Variants in PNMA8B observed in about 807,000 individuals in gnomAD.
PNMA8B encodes the protein paraneoplastic antigen-like protein 8B.
For synonymous variants in PNMA8B, 386 were observed against 394.9 expected (o/e 0.98, Z 0.27); for missense variants, 887 against 885.8 (o/e 1.00, Z -0.02).
rs1457113008 is a variant in PNMA8B at position 46,493,512 on chromosome 19, G to C, written c.*46C>G. The C allele has an allele frequency of 3.3e-6, 4 of 1,228,566 alleles. No homozygotes were observed. Among genetic ancestry groups the C allele is most frequent in the Non-Finnish European group, 4.2e-6 (4 of 963,022 alleles). The allele number at this position is 1,228,566 out of a possible 1,614,324, so 76.1% of individuals were successfully genotyped here. A position where few individuals can be genotyped will look rare whatever the true frequency, so the allele number is the denominator to read the frequency against. On this transcript the variant is annotated 3_prime_UTR_variant, in exon 1 of 1. Transcript: ENST00000599531. This position sits in a 1 kb window ranked among gnomAD's most constrained non-coding sequence, Gnocchi z 5.3. Reference sequence around the variant, plus strand: ...GGGCGGGGGCCACAGGCGGGCGGGTGCCCTGCGGGGCCTGCTCGCAGCCTG... The same window carrying C: ...GGGCGGGGGCCACAGGCGGGCGGGTCCCCTGCGGGGCCTGCTCGCAGCCTG...
At position 46,494,564 on chromosome 19, in the gene PNMA8B, G is replaced by A. The variant is rs114949543; in HGVS notation, c.902C>T (p.Thr301Ile). Residue 301 changes from threonine (T) to isoleucine (I), a missense_variant, in exon 1 of 1, where the codon ACC becomes ATC. Thr to Ile is a moderately conservative substitution (Grantham distance 89). Transcript: ENST00000599531. ...GCTGTCCACCGGCTCCTCGTCCGGG[G>A]TGTCTCTCACAGCCAGCAGGGCCAC... ...DLVALLAVRDTPDEEPVDSDT... is the reference protein window; with the variant it reads ...DLVALLAVRDIPDEEPVDSDT... 3.0e-4 allele frequency: 477 copies of A among 1,614,082 alleles called. 1 individual carries two copies. The African/African-American group carries it at 5.8e-3, about 20-fold the overall frequency.
Position 46,495,586 on chromosome 19 carries a change from G to C in PNMA8B, c.-121C>G. ...TTGCAGGGCTTAGAGTCCCGGTTCCGGTGAATGTGGCAAGGCTGGAGTGGG... is the reference window on the plus strand; with the variant it reads ...TTGCAGGGCTTAGAGTCCCGGTTCCCGTGAATGTGGCAAGGCTGGAGTGGG... On this transcript the variant is annotated 5_prime_UTR_variant, in exon 1 of 1. Transcript: ENST00000599531. 1 of 1,321,610 alleles carries C rather than the reference G, an allele frequency of 7.6e-7. No individual in the cohort carries two copies. Among genetic ancestry groups the C allele is most frequent in the Non-Finnish European group, 1.0e-6 (1 of 984,308 alleles). 81.9% of individuals were successfully genotyped at this position (1,321,610 alleles called of 1,614,324 possible). A position where few individuals can be genotyped will look rare whatever the true frequency, so the allele number is the denominator to read the frequency against.
Position 46,495,658 on chromosome 19 carries a change from G to T in PNMA8B, c.-193C>A. 1 of 667,794 alleles carries T rather than the reference G, an allele frequency of 1.5e-6. No individual in the cohort carries two copies. The highest frequency in any genetic ancestry group is 2.5e-6 in the Non-Finnish European group (1 of 393,472). The allele number at this position is 667,794 out of a possible 1,614,324, so 41.4% of individuals were successfully genotyped here. ...GCTGCCTGCTGGCCGGCTGGACGCA[G>T]TGACCTTCCCCCGGGACCCCTCTCC... On this transcript the variant is annotated 5_prime_UTR_variant, in exon 1 of 1. The change creates a new upstream start codon in the 5' untranslated region. Coordinates refer to ENST00000599531, the MANE Select transcript of PNMA8B (RefSeq NM_020709.3).
chr19:46,494,848 G>T lies in PNMA8B; in HGVS notation c.618C>A (p.Ile206=). The T allele has an allele frequency of 6.2e-7, 1 of 1,613,308 alleles. No individual in the cohort carries two copies. ...TCAGGTCGCCCTGGTCGATCTCCTC[G>T]ATCACGATGCCCAGGCTCTCGTCGG... ...DSSDESLGIV[I]EEIDQGDLSG... Residue 206 remains isoleucine (I), a synonymous_variant, in exon 1 of 1, where the codon ATC becomes ATA. Coordinates refer to ENST00000599531, the MANE Select transcript of PNMA8B (RefSeq NM_020709.3).
rs1970031343 is a variant in PNMA8B at position 46,493,269 on chromosome 19, A to G, written c.*289T>C. The G allele has an allele frequency of 9.1e-6, 3 of 330,862 alleles. No homozygotes were observed. Among genetic ancestry groups the G allele is most frequent in the Admixed American group, 4.9e-5 (1 of 20,402 alleles). 20.5% of individuals were successfully genotyped at this position (330,862 alleles called of 1,614,324 possible). ...CCTCCGGGGGCAACCCGGGCCCCCAATCCTGGTCCACTTGGCGCGTCCCCA... is the reference window on the plus strand; with the variant it reads ...CCTCCGGGGGCAACCCGGGCCCCCAGTCCTGGTCCACTTGGCGCGTCCCCA... On this transcript the variant is annotated 3_prime_UTR_variant, in exon 1 of 1. Transcript: ENST00000599531. The surrounding 1 kb of genome is among the most constrained non-coding windows in gnomAD (Gnocchi z 5.3).
At position 46,495,717 on chromosome 19, in the gene PNMA8B, G is replaced by A; in HGVS notation, c.-252C>T. 1 of 516,994 alleles carries A rather than the reference G, an allele frequency of 1.9e-6. No individual in the cohort carries two copies. The highest frequency in any genetic ancestry group is 3.6e-6 in the Non-Finnish European group (1 of 280,686). 32.0% of individuals were successfully genotyped at this position (516,994 alleles called of 1,614,324 possible). A position where few individuals can be genotyped will look rare whatever the true frequency, so the allele number is the denominator to read the frequency against. ...CTGAGGATCCGCGGGGGGCTTACGT[G>A]TCTGCTTTCCAGGACAGCTCCCTCC... On this transcript the variant is annotated 5_prime_UTR_variant, in exon 1 of 1. Coordinates refer to ENST00000599531, the MANE Select transcript of PNMA8B (RefSeq NM_020709.3).
At position 46,495,540 on chromosome 19, in the gene PNMA8B, A is replaced by C. The variant is rs1192267841; in HGVS notation, c.-75T>G. On this transcript the variant is annotated 5_prime_UTR_variant, in exon 1 of 1. It adds an upstream start codon to the 5' untranslated region. Coordinates refer to ENST00000599531, the MANE Select transcript of PNMA8B (RefSeq NM_020709.3). The stretch of plus-strand genomic sequence containing the variant: ...GGGGTGGGCTGCAGCGCACGGTGTC[A>C]ATGCAACCCTAGAAAGCCACTTGCA... 1 of 1,496,760 alleles carries C rather than the reference A, an allele frequency of 6.7e-7. No individual in the cohort carries two copies. The highest frequency in any genetic ancestry group is 8.9e-7 in the Non-Finnish European group (1 of 1,121,950). 92.7% of individuals were successfully genotyped at this position (1,496,760 alleles called of 1,614,324 possible). A position where few individuals can be genotyped will look rare whatever the true frequency, so the allele number is the denominator to read the frequency against.
Position 46,493,517 on chromosome 19 carries a change from G to A in PNMA8B, c.*41C>T. 1 of 1,280,866 alleles carries A rather than the reference G, an allele frequency of 7.8e-7. No homozygotes were observed. The highest frequency in any genetic ancestry group is 3.1e-5 in the East Asian group (1 of 31,930). 79.3% of individuals were successfully genotyped at this position (1,280,866 alleles called of 1,614,324 possible). The stretch of plus-strand genomic sequence containing the variant: ...GGGGCCACAGGCGGGCGGGTGCCCT[G>A]CGGGGCCTGCTCGCAGCCTGGGCGG... On this transcript the variant is annotated 3_prime_UTR_variant, in exon 1 of 1. Transcript: ENST00000599531. This position sits in a 1 kb window ranked among gnomAD's most constrained non-coding sequence, Gnocchi z 5.3.
In PNMA8B at chr19:46,492,315, G is replaced by T. The variant is rs1162856112; in HGVS notation, c.*1243C>A. 1 of 277,094 alleles carries T rather than the reference G, an allele frequency of 3.6e-6. No individual in the cohort carries two copies. Among genetic ancestry groups the T allele is most frequent in the African/African-American group, 2.2e-5 (1 of 44,666 alleles). The allele number at this position is 277,094 out of a possible 1,614,324, so 17.2% of individuals were successfully genotyped here. A position where few individuals can be genotyped will look rare whatever the true frequency, so the allele number is the denominator to read the frequency against. On this transcript the variant is annotated 3_prime_UTR_variant, in exon 1 of 1. Transcript: ENST00000599531. ...GGAGACTGATATTTAGGTAAAAATC[G>T]AGCTCAGCCGGGGTTGCAGGAGCTG... is the stretch of plus-strand genomic sequence containing the variant.
chr19:46,494,556 C>G lies in PNMA8B; in HGVS notation c.910G>C (p.Glu304Gln). 6.2e-7 allele frequency: 1 copy of G among 1,614,064 alleles called. No individual in the cohort carries two copies. Among genetic ancestry groups the G allele is most frequent in the Non-Finnish European group, 8.5e-7 (1 of 1,179,906 alleles). Residue 304 changes from glutamate (E) to glutamine (Q), a missense_variant, in exon 1 of 1, where the codon GAG (glutamate) becomes CAG (glutamine). Transcript: ENST00000599531. ...ALLAVRDTPDEEPVDSDTSES... is the reference protein window; with the variant it reads ...ALLAVRDTPDQEPVDSDTSES... ...GAAGTGTCGCTGTCCACCGGCTCCT[C>G]GTCCGGGGTGTCTCTCACAGCCAGC...
chr19:46,492,303 T>A lies in PNMA8B; in HGVS notation c.*1255A>T, dbSNP rs556251469. The A allele has an allele frequency of 2.2e-5, 6 of 270,994 alleles. No homozygotes were observed. The Admixed American group carries it at 2.2e-4, about 10-fold the overall frequency. The allele number at this position is 270,994 out of a possible 1,614,324, so 16.8% of individuals were successfully genotyped here. On this transcript the variant is annotated 3_prime_UTR_variant, in exon 1 of 1. Transcript: ENST00000599531. ...GTGGGGTCCCGTGGAGACTGATATT[T>A]AGGTAAAAATCGAGCTCAGCCGGGG... is the stretch of plus-strand genomic sequence containing the variant.
At position 46,494,425 on chromosome 19, in the gene PNMA8B, C is replaced by T. The variant is rs1392491327; in HGVS notation, c.1041G>A (p.Arg347=). The T allele has an allele frequency of 1.2e-6, 2 of 1,613,776 alleles. No homozygotes were observed. The highest frequency in any genetic ancestry group is 1.3e-5 in the African/African-American group (1 of 74,952). ...CAGAAGCGATTTTCAACATCTCCTC[C>T]CGGGCCCAGGGGTCCGACGGGTCGG... ...AYTDPSDPWA[R]EEMLKIASVI... is the part of the protein sequence containing the mutation. Residue 347 remains arginine (R), a synonymous_variant, in exon 1 of 1, where the codon CGG becomes CGA. Transcript: ENST00000599531.
chr19:46,493,520 G>A lies in PNMA8B; in HGVS notation c.*38C>T. The A allele has an allele frequency of 2.3e-6, 3 of 1,292,300 alleles. No individual in the cohort carries two copies. The highest frequency in any genetic ancestry group is 3.0e-6 in the Non-Finnish European group (3 of 1,015,424). The allele number at this position is 1,292,300 out of a possible 1,614,324, so 80.1% of individuals were successfully genotyped here. A position where few individuals can be genotyped will look rare whatever the true frequency, so the allele number is the denominator to read the frequency against. ...GCCACAGGCGGGCGGGTGCCCTGCG[G>A]GGCCTGCTCGCAGCCTGGGCGGCTT... On this transcript the variant is annotated 3_prime_UTR_variant, in exon 1 of 1. Coordinates refer to ENST00000599531, the MANE Select transcript of PNMA8B (RefSeq NM_020709.3). This position sits in a 1 kb window ranked among gnomAD's most constrained non-coding sequence, Gnocchi z 5.3.
chr19:46,495,431 C>A lies in PNMA8B; in HGVS notation c.35G>T (p.Ser12Ile). 6.4e-7 allele frequency: 1 copy of A among 1,554,238 alleles called. No homozygotes were observed. Among genetic ancestry groups the A allele is most frequent in the African/African-American group, 1.4e-5 (1 of 73,900 alleles). ...AMSLLQDWCR[S>I]LDVDAHRALL... ...GGCCCTGTGCGCGTCCACGTCCAGG[C>A]TCCGGCACCAGTCCTGCAAAAGGCT... The change falls in exon 1 of 1, where the codon AGC (serine) becomes ATC (isoleucine). Residue 12 changes from serine (S) to isoleucine (I), a missense_variant. Ser to Ile is a moderately radical substitution (Grantham distance 142). Coordinates refer to ENST00000599531, the MANE Select transcript of PNMA8B (RefSeq NM_020709.3).
rs1330952486 is a variant in PNMA8B, at chr19:46,492,190, G to A, written c.*1368C>T. 1 of 409,344 alleles carries A rather than the reference G, an allele frequency of 2.4e-6. No homozygotes were observed. Among genetic ancestry groups the A allele is most frequent in the Admixed American group, 2.7e-5 (1 of 36,554 alleles). 25.4% of individuals were successfully genotyped at this position (409,344 alleles called of 1,614,324 possible). A position where few individuals can be genotyped will look rare whatever the true frequency, so the allele number is the denominator to read the frequency against. On this transcript the variant is annotated 3_prime_UTR_variant, in exon 1 of 1. Coordinates refer to ENST00000599531, the MANE Select transcript of PNMA8B (RefSeq NM_020709.3). ...AGGGACAAGTGGGGCAGGGCCCCCT[G>A]GCACGATGGGCTCCTCACTGCCAGG...
At position 46,494,146 on chromosome 19, in the gene PNMA8B, C is replaced by T. The variant is rs762473728; in HGVS notation, c.1320G>A (p.Glu440=). Residue 440 remains glutamate (E), a synonymous_variant, in exon 1 of 1, where the codon GAG becomes GAA. Coordinates refer to ENST00000599531, the MANE Select transcript of PNMA8B (RefSeq NM_020709.3). ...AGRGLFGGWS[E]HREDEGGLLE... is the part of the protein sequence containing the mutation. ...GAAGACCCCCTTCGTCCTCACGGTG[C>T]TCGCTCCAGCCCCCGAAGAGGCCAC... 38 of 1,610,856 alleles carry T rather than the reference C, an allele frequency of 2.4e-5. No homozygotes were observed. The highest frequency in any genetic ancestry group is 2.8e-5 in the Non-Finnish European group (33 of 1,179,874).
chr19:46,495,319 G>A lies in PNMA8B; in HGVS notation c.147C>T (p.Phe49=), dbSNP rs760188553. ...TCAAAGCCTTCATGTGTCGCAACCT[G>A]AACGTGCCCAGGGGCAGGAGGGTCG... The part of the protein sequence containing the change: ...LQPTLLPLGT[F]RLRHMKALMN... Residue 49 remains phenylalanine, a synonymous_variant, in exon 1 of 1, where the codon TTC becomes TTT. Transcript: ENST00000599531. 7.5e-7 allele frequency: 1 copy of A among 1,331,042 alleles called. No individual in the cohort carries two copies. The highest frequency in any genetic ancestry group is 1.1e-6 in the Non-Finnish European group (1 of 921,506). The allele number at this position is 1,331,042 out of a possible 1,614,324, so 82.5% of individuals were successfully genotyped here. A position where few individuals can be genotyped will look rare whatever the true frequency, so the allele number is the denominator to read the frequency against.
Position 46,495,416 on chromosome 19 carries a change from G to T in PNMA8B, c.50C>A (p.Ala17Glu). 6.8e-7 allele frequency: 1 copy of T among 1,474,730 alleles called. No homozygotes were observed. Among genetic ancestry groups the T allele is most frequent in the Non-Finnish European group, 9.5e-7 (1 of 1,053,976 alleles). The allele number at this position is 1,474,730 out of a possible 1,614,324, so 91.4% of individuals were successfully genotyped here. ...GCCGGTGACCAGCAGGGCCCTGTGCGCGTCCACGTCCAGGCTCCGGCACCA... is the reference window on the plus strand; with the variant it reads ...GCCGGTGACCAGCAGGGCCCTGTGCTCGTCCACGTCCAGGCTCCGGCACCA... ...QDWCRSLDVD[A>E]HRALLVTGIP... The change falls in exon 1 of 1, where the codon GCG (alanine) becomes GAG (glutamate). Residue 17 changes from alanine to glutamate, a missense_variant. Transcript: ENST00000599531.
In PNMA8B at chr19:46,493,529, C is replaced by T; in HGVS notation, c.*29G>A. On this transcript the variant is annotated 3_prime_UTR_variant, in exon 1 of 1. Transcript: ENST00000599531. The surrounding 1 kb of genome is among the most constrained non-coding windows in gnomAD (Gnocchi z 5.3). ...GGGCGGGTGCCCTGCGGGGCCTGCTCGCAGCCTGGGCGGCTTCTTGGGGGG... is the reference window on the plus strand; with the variant it reads ...GGGCGGGTGCCCTGCGGGGCCTGCTTGCAGCCTGGGCGGCTTCTTGGGGGG... The T allele has an allele frequency of 7.6e-7, 1 of 1,315,758 alleles. No individual in the cohort carries two copies. The highest frequency in any genetic ancestry group is 9.7e-7 in the Non-Finnish European group (1 of 1,033,808). 81.5% of individuals were successfully genotyped at this position (1,315,758 alleles called of 1,614,324 possible). A position where few individuals can be genotyped will look rare whatever the true frequency, so the allele number is the denominator to read the frequency against.
Sources: gnomAD v4.1 joint callset for allele counts on GRCh38, gnomAD v4.1.1 for gene constraint, Gnocchi (gnomAD v3.1) non-coding constraint, MANE v1.5 for transcripts, NCBI Gene and HGNC (gene_info 2026-07-23, HGNC 2026-07-21) for gene names.